ANTXR2: variants seen among roughly 807,000 people sequenced by gnomAD.
ANTXR2 encodes ANTXR cell adhesion molecule 2.
Under a neutral mutation model 73.7 loss-of-function variants are expected in ANTXR2, and 44 were observed. The observed-to-expected ratio is 0.60, with a 90% CI of 0.47 to 0.77. The LOEUF (loss-of-function observed/expected upper bound fraction) is 0.77, where lower values mean the gene tolerates loss of function less well. Ranked by LOEUF, ANTXR2 falls within the 30% of genes least tolerant of loss-of-function variation. The pLI, the probability that ANTXR2 is intolerant of heterozygous loss-of-function variation, is 0.00. For synonymous variants in ANTXR2, 217 were observed against 205.9 expected (o/e 1.05, Z -0.46); for missense variants, 604 against 592.5 (o/e 1.02, Z -0.20).
Position 79,906,428 on chromosome 4 carries a change from A to C in ANTXR2, c.*1001T>G, listed in dbSNP as rs1726912707. 1 of 152,642 alleles carries C rather than the reference A, an allele frequency of 6.6e-6. No homozygotes were observed. The highest frequency in any genetic ancestry group is 2.4e-5 in the African/African-American group (1 of 41,472). 9.5% of individuals were successfully genotyped at this position (152,642 alleles called of 1,614,324 possible). Reference sequence around the variant, plus strand: ...TATATTAATTAAACTTTGAAATTTTAATGCAAAGAGAGTTGCTGGCTTGTG... The same window carrying C: ...TATATTAATTAAACTTTGAAATTTTCATGCAAAGAGAGTTGCTGGCTTGTG... On this transcript the variant is annotated 3_prime_UTR_variant, in exon 17 of 17. Transcript: ENST00000403729.
In ANTXR2 at chr4:80,055,308, C is replaced by T. The variant is rs1733942471; in HGVS notation, c.486+52G>A. 4 of 1,558,162 alleles carry T rather than the reference C, an allele frequency of 2.6e-6. No homozygotes were observed. The South Asian group carries it at 3.4e-5, about 13-fold the overall frequency. On this transcript the variant is annotated intron_variant, in intron 5 of 16. Coordinates refer to ENST00000403729, the MANE Select transcript of ANTXR2 (RefSeq NM_058172.6). The stretch of plus-strand genomic sequence containing the variant: ...AAATATCAAGCTATACATTCCGAGA[C>T]ACACAGCGATGTACAGTGGGGTGTA...
chr4:79,952,395 A>T (rs1448191556), intron 16 of ANTXR2, among the ~76,000 whole-genome samples: 1 of 151,686 alleles, frequency 6.6e-6, no homozygotes. Context: ...ATTATCTAGT[A>T]TTCACTAGAT....
intron 16 of ANTXR2, among the ~76,000 whole-genome samples, chr4:79,923,307 T>C (rs1428989404): frequency 1.3e-5 from 2 of 152,150 alleles, no homozygotes; most frequent in African/African-American, 4.8e-5. Context: ...GATATTTCAG[T>C]TTTTGCTAAC....
chr4:79,926,871 A>G (rs1370980838), intron 16 of ANTXR2, among the ~76,000 whole-genome samples: 4 of 152,058 alleles, frequency 2.6e-5, no homozygotes, highest in African/African-American at 9.7e-5. Context: ...TGTGGCATAT[A>G]TATGTGTGTA....
chr4:79,934,911 C>A (rs1234752962), intron 16 of ANTXR2, among the ~76,000 whole-genome samples: 2 of 151,238 alleles, frequency 1.3e-5, no homozygotes, highest in African/African-American at 2.4e-5. Flanking sequence ...TGGAAAGAGA[C>A]CTTGTCTGCT....
intron 10 of ANTXR2, among the ~76,000 whole-genome samples, chr4:80,026,316 C>T (rs1464288955): frequency 1.3e-5 from 2 of 152,090 alleles, no homozygotes; most frequent in Admixed American, 6.6e-5. Flanking sequence ...AAGGTCTTTG[C>T]TCCCCCTTAG....
At chr4:79,924,439 TATG>T (rs2109949454) in intron 16 of ANTXR2, among the ~76,000 whole-genome samples, 1 of 152,186 alleles carries the variant, frequency 6.6e-6, no homozygotes, top group African/African-American at 2.4e-5. Flanking sequence ...TGCAGTGAGC[TATG>T]ATCACACCAC....
Position 79,907,027 on chromosome 4 carries a change from A to G in ANTXR2, c.*402T>C, listed in dbSNP as rs1416390796. The G allele has an allele frequency of 4.5e-6, 1 of 223,560 alleles. No homozygotes were observed. Among genetic ancestry groups the G allele is most frequent in the Non-Finnish European group, 8.7e-6 (1 of 115,120 alleles). The allele number at this position is 223,560 out of a possible 1,614,324, so 13.8% of individuals were successfully genotyped here. A position where few individuals can be genotyped will look rare whatever the true frequency, so the allele number is the denominator to read the frequency against. On this transcript the variant is annotated 3_prime_UTR_variant, in exon 17 of 17. Transcript: ENST00000403729. ...ATAAAAACACAAGTGCCATGTTTCCATGTAAAAAACTCCTGTCTCCCATCA... is the reference window on the plus strand; with the variant it reads ...ATAAAAACACAAGTGCCATGTTTCCGTGTAAAAAACTCCTGTCTCCCATCA...
chr4:80,000,622 A>T (rs1730983973), intron 12 of ANTXR2, among the ~76,000 whole-genome samples: 1 of 152,062 alleles, frequency 6.6e-6, no homozygotes, highest in African/African-American at 2.4e-5. Context: ...TTACTTAAGC[A>T]TCACCAAAAG....
intron 3 of ANTXR2, 71 bp from the exon 4 acceptor site, chr4:80,056,084 C>CA (rs1221549026): frequency 9.3e-7 from 1 of 1,080,086 alleles, no homozygotes; most frequent in East Asian, 2.9e-5. Flanking sequence ...TCTTAAAAAA[C>CA]ATGGCAGTAT....
At chr4:80,063,926 G>A (rs931833516) in intron 3 of ANTXR2, among the ~76,000 whole-genome samples, 5 of 151,956 alleles carry the variant, frequency 3.3e-5, no homozygotes, top group Admixed American at 3.3e-4. Context: ...ATTTCAGTAG[G>A]ACATAGTCCC....
At chr4:80,013,023 A>C in intron 11 of ANTXR2, among the ~76,000 whole-genome samples, 1 of 152,216 alleles carries the variant, frequency 6.6e-6, no homozygotes, top group Non-Finnish European at 1.5e-5. Flanking sequence ...AGCACTTAAT[A>C]CTTGCTCAGC....
At chr4:79,984,776 G>GAA (rs375599010) in intron 13 of ANTXR2, 43 bp downstream of exon 13, 71 of 1,327,214 alleles carry the variant, frequency 5.3e-5, no homozygotes, top group Non-Finnish European at 6.2e-5. Flanking sequence ...TCTGCATTTG[G>GAA]AAAAAAAAAA....
intron 3 of ANTXR2, among the ~76,000 whole-genome samples, chr4:80,062,618 T>C (rs1328930709): frequency 6.6e-6 from 1 of 152,220 alleles, no homozygotes; most frequent in African/African-American, 2.4e-5. Context: ...TAATGGAATT[T>C]TTTTTAGCTA....
rs1726876784 is a variant in ANTXR2 at position 79,905,725 on chromosome 4, A to G, written c.*1704T>C. The G allele has an allele frequency of 6.6e-6, 1 of 152,442 alleles. No individual in the cohort carries two copies. Among genetic ancestry groups the G allele is most frequent in the Admixed American group, 6.6e-5 (1 of 15,260 alleles). 9.4% of individuals were successfully genotyped at this position (152,442 alleles called of 1,614,324 possible). ...GTGTGTGTGTAAGGCCTCTTGGAAC[A>G]GTGCCACAAACCTGGACACCAACCA... On this transcript the variant is annotated 3_prime_UTR_variant, in exon 17 of 17. Transcript: ENST00000403729.
chr4:80,048,755 T>G (rs1028023065), intron 7 of ANTXR2, among the ~76,000 whole-genome samples: 1 of 151,690 alleles, frequency 6.6e-6, no homozygotes, highest in Non-Finnish European at 1.5e-5. Flanking sequence ...TAAAATATAG[T>G]GTTAGACACT....
chr4:79,910,342 C>G (rs1444891627), intron 16 of ANTXR2, among the ~76,000 whole-genome samples: 1 of 151,708 alleles, frequency 6.6e-6, no homozygotes, highest in Non-Finnish European at 1.5e-5. Context: ...AACTCCATCT[C>G]TACTGAAAAT....
intron 3 of ANTXR2, among the ~76,000 whole-genome samples, chr4:80,064,849 G>C (rs1004800950): frequency 6.6e-6 from 1 of 152,164 alleles, no homozygotes; most frequent in Non-Finnish European, 1.5e-5. Context: ...CACTAGGATG[G>C]GGCGTTTAGG....
chr4:80,003,527 A>G (rs1731157350), intron 12 of ANTXR2, among the ~76,000 whole-genome samples: 1 of 151,944 alleles, frequency 6.6e-6, no homozygotes, highest in African/African-American at 2.4e-5. Context: ...TAACCTGCAC[A>G]TTGTGCACAT....
Sources: allele counts gnomAD v4.1 joint callset (sites outside exome capture counted in the v4.1 genomes callset), GRCh38; gene constraint gnomAD v4.1.1; transcripts MANE v1.5; gene names NCBI Gene and HGNC (gene_info 2026-07-23, HGNC 2026-07-21).